Variants in EIF5B observed in about 807,000 individuals in gnomAD.
EIF5B encodes the protein eIF-5B.
EIF5B carries 47 observed loss-of-function variants against 147.5 expected under a neutral mutation model. The observed-to-expected ratio is 0.32, with a 90% confidence interval of 0.25 to 0.41. The LOEUF is 0.41. Ranked by LOEUF, EIF5B falls within the 10% of genes least tolerant of loss-of-function variation. The pLI is 1.00. For synonymous variants in EIF5B, 455 were observed against 456.2 expected (o/e 1.00, Z 0.03); for missense variants, 1,064 against 1,413.2 (o/e 0.75, Z 3.96).
intron 17 of EIF5B, 65 bp from the exon 18 acceptor site, chr2:99,392,902 A>C: frequency 1.5e-6 from 2 of 1,308,342 alleles, no homozygotes; most frequent in Non-Finnish European, 2.0e-6. Context: ...AGATTCTCTT[A>C]TATCATCTTC....
At chr2:99,358,689 A>AG (rs1461825336) in intron 1 of EIF5B, among the ~76,000 whole-genome samples, 1 of 152,092 alleles carries the variant, frequency 6.6e-6, no homozygotes, top group Non-Finnish European at 1.5e-5. Context: ...AGCCCTCTTG[A>AG]GGCATAACAC....
At chr2:99,387,418 T>A (rs1009555823) in intron 14 of EIF5B, among the ~76,000 whole-genome samples, 4 of 152,120 alleles carry the variant, frequency 2.6e-5, no homozygotes, top group Non-Finnish European at 5.9e-5. Context: ...GCTGAAAAAA[T>A]TATTTTTTTC....
chr2:99,348,156 G>A (rs1303818249), intron 1 of EIF5B, among the ~76,000 whole-genome samples: 1 of 152,158 alleles, frequency 6.6e-6, no homozygotes, highest in African/African-American at 2.4e-5. Context: ...TAAAGGGTTA[G>A]GCTGAATTTT....
In EIF5B at chr2:99,382,194, A is replaced by T; in HGVS notation, c.2097A>T (p.Leu699=). 6.2e-7 allele frequency: 1 copy of T among 1,613,272 alleles called. No homozygotes were observed. The highest frequency in any genetic ancestry group is 8.5e-7 in the Non-Finnish European group (1 of 1,179,538). ...AGAATGTACGGATTCCAGGAATGCT[A>T]ATTATTGATACTCCTGGGCATGAAT... ...DRENVRIPGM[L]IIDTPGHESF... The change falls in exon 13 of 24, where the codon CTA becomes CTT. Residue 699 remains leucine, a synonymous_variant. Transcript: ENST00000289371.
intron 23 of EIF5B, 63 bp from the exon 24 acceptor site, chr2:99,399,244 C>T (rs1423652450): frequency 7.3e-6 from 11 of 1,514,448 alleles, no homozygotes; most frequent in Non-Finnish European, 1.0e-5. Context: ...CATCTGGGGC[C>T]ACAGCTTTCT....
At chr2:99,385,495 C>G (rs1253022123) in intron 14 of EIF5B, among the ~76,000 whole-genome samples, 1 of 152,198 alleles carries the variant, frequency 6.6e-6, no homozygotes, top group Non-Finnish European at 1.5e-5. Context: ...GACCCTCTAC[C>G]AGCAAAAAGA....
Position 99,371,674 on chromosome 2 carries a change from A to C in EIF5B, c.1496A>C (p.Glu499Ala). 1 of 1,612,804 alleles carries C rather than the reference A, an allele frequency of 6.2e-7. No individual in the cohort carries two copies. The highest frequency in any genetic ancestry group is 8.5e-7 in the Non-Finnish European group (1 of 1,179,396). ...PVEPEEEEDT[E>A]DAGLDDWEAM... ...CTTACAGAAGAAGAAGAAGATACTG[A>C]GGATGCTGGATTGGATGATTGGGAA... The change falls in exon 9 of 24, where the codon GAG (glutamate) becomes GCG (alanine). Residue 499 changes from glutamate (E) to alanine (A), a missense_variant. This residue lies in a region of EIF5B where 195 missense variants were observed against 186.3 expected (regional missense o/e 1.05). Transcript: ENST00000289371.
At position 99,369,422 on chromosome 2, in the gene EIF5B, T is replaced by C. The variant is rs954229780; in HGVS notation, c.1418T>C (p.Val473Ala). Residue 473 changes from valine (V) to alanine (A), a missense_variant, in exon 8 of 24, where the codon GTA becomes GCA. By Grantham distance (64) the Val-to-Ala change is moderately conservative. This residue lies in a region of EIF5B where 195 missense variants were observed against 186.3 expected (regional missense o/e 1.05). Transcript: ENST00000289371. ...GAATCAATGGAATTATGTGCTGCTGTAGAAGTTATGGAACAAGGAGTACCA... is the reference window on the plus strand; with the variant it reads ...GAATCAATGGAATTATGTGCTGCTGCAGAAGTTATGGAACAAGGAGTACCA... Reference protein sequence around the residue: ...VSESMELCAAVEVMEQGVPEK... With the variant: ...VSESMELCAAAEVMEQGVPEK... 6.2e-6 allele frequency: 10 copies of C among 1,611,786 alleles called. No individual in the cohort carries two copies. The highest frequency in any genetic ancestry group is 8.5e-6 in the Non-Finnish European group (10 of 1,178,428).
Position 99,376,607 on chromosome 2 carries a change from G to T in EIF5B, c.1813G>T (p.Ala605Ser). The T allele has an allele frequency of 6.2e-7, 1 of 1,605,010 alleles. No individual in the cohort carries two copies. Among genetic ancestry groups the T allele is most frequent in the Non-Finnish European group, 8.5e-7 (1 of 1,177,100 alleles). ...TGATGATCGGACTAAAGAAGAAAGG[G>T]CTTATGACAAAGCAAAACGGAGGAT... ...SDDDRTKEER[A>S]YDKAKRRIEK... The change falls in exon 10 of 24, where the codon GCT becomes TCT. Residue 605 changes from alanine to serine, a missense_variant. Around this residue, in one of 4 missense-constraint regions of EIF5B, gnomAD observed 195 missense variants for 186.3 expected, o/e 1.05. Coordinates refer to ENST00000289371, the MANE Select transcript of EIF5B (RefSeq NM_015904.4).
chr2:99,369,581 A>G (rs1367538199), intron 8 of EIF5B, 100 bp downstream of exon 8: 17 of 907,974 alleles, frequency 1.9e-5, no homozygotes, highest in Middle Eastern at 2.5e-4. Context: ...GGGGAGAACC[A>G]AATAAGTATC....
At chr2:99,358,994 A>G (rs1014897388) in intron 1 of EIF5B, among the ~76,000 whole-genome samples, 10 of 152,164 alleles carry the variant, frequency 6.6e-5, no homozygotes, top group Non-Finnish European at 1.3e-4. Context: ...GCTAAATTCT[A>G]TATCCTCAAT....
chr2:99,390,001 T>C, intron 15 of EIF5B, 152 bp downstream of exon 15: 2 of 1,232,146 alleles, frequency 1.6e-6, no homozygotes, highest in South Asian at 1.6e-5. Flanking sequence ...TTCTCCTTTT[T>C]CTTTGCAGTC....
In EIF5B at chr2:99,399,477, A is replaced by G. The variant is rs2104268479; in HGVS notation, c.*63A>G. 1 of 1,489,194 alleles carries G rather than the reference A, an allele frequency of 6.7e-7. No individual in the cohort carries two copies. The allele number at this position is 1,489,194 out of a possible 1,614,324, so 92.2% of individuals were successfully genotyped here. A position where few individuals can be genotyped will look rare whatever the true frequency, so the allele number is the denominator to read the frequency against. On this transcript the variant is annotated 3_prime_UTR_variant, in exon 24 of 24. Coordinates refer to ENST00000289371, the MANE Select transcript of EIF5B (RefSeq NM_015904.4). Reference sequence around the variant, plus strand: ...ACTGTGTTGTAATATCCCAACAAAAATCAGACAAAAAATGGAACAGACGTA... The same window carrying G: ...ACTGTGTTGTAATATCCCAACAAAAGTCAGACAAAAAATGGAACAGACGTA...
chr2:99,350,596 A>G (rs966650622), intron 1 of EIF5B, among the ~76,000 whole-genome samples: 12 of 151,710 alleles, frequency 7.9e-5, no homozygotes, highest in Non-Finnish European at 1.5e-4. Flanking sequence ...CCCATTGTTT[A>G]GTTGGATTAT....
In EIF5B at chr2:99,361,326, A is replaced by G; in HGVS notation, c.425A>G (p.Asp142Gly). The G allele has an allele frequency of 1.2e-6, 2 of 1,609,810 alleles. No individual in the cohort carries two copies. Among genetic ancestry groups the G allele is most frequent in the Non-Finnish European group, 1.7e-6 (2 of 1,178,976 alleles). ...TACTCTGGGAGTGATGATGATGATGATTTTAACAAACTTCCTAAAAAAGCT... is the reference window on the plus strand; with the variant it reads ...TACTCTGGGAGTGATGATGATGATGGTTTTAACAAACTTCCTAAAAAAGCT... ...EMYSGSDDDD[D>G]FNKLPKKAKG... Residue 142 changes from aspartate (D) to glycine (G), a missense_variant, in exon 4 of 24, where the codon GAT (aspartate) becomes GGT (glycine). By Grantham distance (94) the Asp-to-Gly change is moderately conservative (BLOSUM62 -1). Transcript: ENST00000289371.
Position 99,376,390 on chromosome 2 carries a change from AGAGGAG to A in EIF5B, c.1608_1613del (p.Glu542_Glu543del), listed in dbSNP as rs752087133. On this transcript the variant is annotated inframe_deletion, in exon 10 of 24. Coordinates refer to ENST00000289371, the MANE Select transcript of EIF5B (RefSeq NM_015904.4). ...ATATAGAAGTAAAAGAAAACCCTGA[AGAGGAG>A]GAGGAGGAGGAAGAAGAGGAAGAAG... is the stretch of plus-strand genomic sequence containing the variant. 6 of 1,519,350 alleles carry A rather than the reference AGAGGAG, an allele frequency of 3.9e-6. No individual in the cohort carries two copies. The highest frequency in any genetic ancestry group is 5.4e-6 in the Non-Finnish European group (6 of 1,107,696). 94.1% of individuals were successfully genotyped at this position (1,519,350 alleles called of 1,614,324 possible). A position where few individuals can be genotyped will look rare whatever the true frequency, so the allele number is the denominator to read the frequency against.
intron 1 of EIF5B, among the ~76,000 whole-genome samples, chr2:99,340,198 A>G (rs2094256694): frequency 6.6e-6 from 1 of 152,138 alleles, no homozygotes; most frequent in South Asian, 2.1e-4. Context: ...GGGGAATGGG[A>G]AGTTCCACTG....
chr2:99,371,165 T>C (rs1269541584), intron 8 of EIF5B: 2 of 152,260 alleles, frequency 1.3e-5, no homozygotes, highest in East Asian at 1.9e-4. Context: ...ATTTAAGTAA[T>C]AGTAAATTAT....
chr2:99,371,551 A>T, intron 8 of EIF5B, 105 bp from the exon 9 acceptor site: 1 of 888,790 alleles, frequency 1.1e-6, no homozygotes. Context: ...TTACATAATT[A>T]AAACATTCTT....
Sources: allele counts gnomAD v4.1 joint callset (sites outside exome capture counted in the v4.1 genomes callset), GRCh38; gene constraint gnomAD v4.1.1; regional missense constraint gnomAD v4.1.1; transcripts MANE v1.5; gene names NCBI Gene and HGNC (gene_info 2026-07-23, HGNC 2026-07-21).